The following ITGA3 variants were observed in gnomAD, a reference collection of about 807,000 sequenced individuals.
ITGA3 encodes the protein integrin alpha-3.
In ITGA3, 70 loss-of-function variants were observed where a neutral mutation model predicts 131.1. The observed-to-expected ratio is 0.53, with a 90% CI of 0.44 to 0.65. ITGA3 has a LOEUF of 0.65. Among genes scored for constraint, ITGA3 ranks in the 30% least tolerant of loss-of-function variants. The probability of loss-of-function intolerance (pLI) is 0.00; values close to 1 mark genes in which losing one functional copy is unlikely to be tolerated. For synonymous variants in ITGA3, 537 were observed against 571.6 expected, an observed-to-expected ratio of 0.94 and a Z score of 0.86; for missense variants, 1,098 against 1,388.6, an observed-to-expected ratio of 0.79 and a Z score of 3.33.
In ITGA3 at chr17:50,071,921, A is replaced by G. The variant is rs374392490; in HGVS notation, c.960-65A>G. The G allele has an allele frequency of 5.7e-5, 83 of 1,450,028 alleles. 1 individual carries two copies. In the East Asian group the frequency reaches 1.5e-3, roughly 26 times the overall value. 89.8% of individuals were successfully genotyped at this position (1,450,028 alleles called of 1,614,324 possible). A position where few individuals can be genotyped will look rare whatever the true frequency, so the allele number is the denominator to read the frequency against. On this transcript the variant is annotated intron_variant, in intron 6 of 25. Coordinates refer to ENST00000320031, the MANE Select transcript of ITGA3 (RefSeq NM_002204.4). ...TGCCCTGGCACAGTCACACCTGTCA[A>G]ACAAGAACTATGCTGCATATTGGAG...
At chr17:50,073,108 C>T (rs1256466508) in intron 7 of ITGA3, among the ~76,000 whole-genome samples, 4 of 152,222 alleles carry the variant, frequency 2.6e-5, no homozygotes, top group East Asian at 3.9e-4. Context: ...GCTCCCTTTA[C>T]AGGCCTTACT....
rs745894611 is a variant in ITGA3 at position 50,064,563 on chromosome 17, C to T, written c.370C>T (p.Leu124Phe). The T allele has an allele frequency of 6.2e-7, 1 of 1,613,092 alleles. No individual in the cohort carries two copies. The highest frequency in any genetic ancestry group is 8.5e-7 in the Non-Finnish European group (1 of 1,179,834). The stretch of plus-strand genomic sequence containing the variant: ...CCATCACATTATTGAGGACATGTGG[C>T]TTGGAGTGACTGTGGCCAGCCAGGG... ...PGHHIIEDMW[L>F]GVTVASQGPA... Residue 124 changes from leucine to phenylalanine, a missense_variant, in exon 3 of 26, where the codon CTT (leucine) becomes TTT (phenylalanine). Coordinates refer to ENST00000320031, the MANE Select transcript of ITGA3 (RefSeq NM_002204.4). This position sits in a 1 kb window ranked among gnomAD's most constrained non-coding sequence, Gnocchi z 4.4.
intron 23 of ITGA3, among the ~76,000 whole-genome samples, chr17:50,082,169 CATGTATTT>C (rs1355391380): frequency 6.6e-5 from 10 of 151,834 alleles, no homozygotes; most frequent in African/African-American, 2.4e-4. Flanking sequence ...TTTCTTTATT[CATGTATTT>C]ATGTATTTAT....
intron 4 of ITGA3, among the ~76,000 whole-genome samples, chr17:50,069,525 G>T (rs1908522771): frequency 6.6e-6 from 1 of 152,082 alleles, no homozygotes; most frequent in East Asian, 1.9e-4. Context: ...AATTAGCCAG[G>T]TGTGGTGGCA....
At chr17:50,071,185 C>G in intron 5 of ITGA3, 126 bp from the exon 6 acceptor site, 1 of 884,784 alleles carries the variant, frequency 1.1e-6, no homozygotes, top group Non-Finnish European at 1.7e-6. Context: ...TACTTTCTTG[C>G]CCTACTTGGA....
Position 50,056,516 on chromosome 17 carries a change from G to A in ITGA3, c.77G>A (p.Gly26Asp), listed in dbSNP as rs1368499306. Residue 26 changes from glycine to aspartate, a missense_variant, in exon 1 of 26, where the codon GGC becomes GAC. By Grantham distance (94) the Gly-to-Asp change is moderately conservative. Around this residue, in one of 3 missense-constraint regions of ITGA3, gnomAD observed 356 missense variants for 529.2 expected, o/e 0.67. Coordinates refer to ENST00000320031, the MANE Select transcript of ITGA3 (RefSeq NM_002204.4). This position sits in a 1 kb window ranked among gnomAD's most constrained non-coding sequence, Gnocchi z 5.6. ...LCALALMVAA[G>D]GCVVSAFNLD... ...GCGCTCGCCTTGATGGTGGCGGCCG[G>A]CGGCTGCGTCGTCTCCGCCTTCAAC... 6.4e-7 allele frequency: 1 copy of A among 1,550,996 alleles called. No individual in the cohort carries two copies. Among genetic ancestry groups the A allele is most frequent in the Non-Finnish European group, 8.7e-7 (1 of 1,147,608 alleles).
At chr17:50,066,839 A>AT (rs2144270110) in intron 3 of ITGA3, among the ~76,000 whole-genome samples, 1 of 152,260 alleles carries the variant, frequency 6.6e-6, no homozygotes, top group African/African-American at 2.4e-5. Flanking sequence ...ACTTCAATGA[A>AT]TTTTTACAAA....
rs1241674844 is a variant in ITGA3, at chr17:50,064,544, C to T, written c.351C>T (p.His117=). 2 of 1,612,826 alleles carry T rather than the reference C, an allele frequency of 1.2e-6. No homozygotes were observed. The highest frequency in any genetic ancestry group is 8.5e-7 in the Non-Finnish European group (1 of 1,179,738). ...TGCCCACAGATGACCCTGGCCATCACATTATTGAGGACATGTGGCTTGGAG... is the reference window on the plus strand; with the variant it reads ...TGCCCACAGATGACCCTGGCCATCATATTATTGAGGACATGTGGCTTGGAG... The part of the protein sequence containing the change: ...NITVKNDPGH[H]IIEDMWLGVT... The change falls in exon 3 of 26, where the codon CAC becomes CAT. Residue 117 remains histidine, a synonymous_variant. Coordinates refer to ENST00000320031, the MANE Select transcript of ITGA3 (RefSeq NM_002204.4). This position sits in a 1 kb window ranked among gnomAD's most constrained non-coding sequence, Gnocchi z 4.4.
chr17:50,087,636 A>T, intron 23 of ITGA3, 108 bp from the exon 24 acceptor site: 1 of 1,275,232 alleles, frequency 7.8e-7, no homozygotes, highest in Non-Finnish European at 1.1e-6. Context: ...GCTGCCCCCT[A>T]CTGGCAGCAG....
chr17:50,077,199 G>A (rs955687535), intron 15 of ITGA3, 78 bp downstream of exon 15: 1 of 1,443,118 alleles, frequency 6.9e-7, no homozygotes, highest in Non-Finnish European at 9.3e-7. Flanking sequence ...GTCCTGTGCA[G>A]GTGTTGTCGT....
chr17:50,089,552 A>G lies in ITGA3; in HGVS notation c.*474A>G. 1 of 404,412 alleles carries G rather than the reference A, an allele frequency of 2.5e-6. No individual in the cohort carries two copies. Among genetic ancestry groups the G allele is most frequent in the Non-Finnish European group, 4.6e-6 (1 of 218,980 alleles). 25.1% of individuals were successfully genotyped at this position (404,412 alleles called of 1,614,324 possible). ...TGTGCTGGTGCATCACGGATGGTGC[A>G]TGGGCTCGCCGTGTCTCAGCCTCTG... On this transcript the variant is annotated 3_prime_UTR_variant, in exon 26 of 26. Coordinates refer to ENST00000320031, the MANE Select transcript of ITGA3 (RefSeq NM_002204.4).
intron 23 of ITGA3, chr17:50,087,516 C>T (rs1909507325): frequency 2.1e-6 from 1 of 474,212 alleles, no homozygotes; most frequent in African/African-American, 1.9e-5. Flanking sequence ...TCCAGGCCAC[C>T]TCCCAGATCT....
chr17:50,061,386 G>T (rs548141982), intron 1 of ITGA3, among the ~76,000 whole-genome samples: 1 of 152,192 alleles, frequency 6.6e-6, no homozygotes, highest in East Asian at 1.9e-4. Context: ...GAGTTGAGGG[G>T]GCTGGGAGGG....
chr17:50,078,281 G>A lies in ITGA3; in HGVS notation c.2294G>A (p.Ser765Asn), dbSNP rs1405455294. 4 of 1,613,138 alleles carry A rather than the reference G, an allele frequency of 2.5e-6. No homozygotes were observed. The highest frequency in any genetic ancestry group is 2.2e-5 in the South Asian group (2 of 91,032). The change falls in exon 18 of 26, where the codon AGC (serine) becomes AAC (asparagine). Residue 765 changes from serine to asparagine, a missense_variant. Physicochemically the swap from Ser to Asn is conservative, Grantham distance 46 (BLOSUM62 1). Transcript: ENST00000320031. ...LVDYTLQTSLSMVNHRLQSFF... is the reference protein window; with the variant it reads ...LVDYTLQTSLNMVNHRLQSFF... ...GACTATACACTCCAGACCTCGCTTA[G>A]CATGTGGGTACCGCTCTCCACCACC...
intron 12 of ITGA3, among the ~76,000 whole-genome samples, 195 bp from the exon 13 acceptor site, chr17:50,076,131 C>G (rs1409348303): frequency 8.0e-5 from 12 of 150,738 alleles, no homozygotes; most frequent in Admixed American, 7.3e-4. Flanking sequence ...AGGAGAAGCC[C>G]TGTCTCTCCT....
At chr17:50,076,023 G>A (rs796798787) in intron 12 of ITGA3, among the ~76,000 whole-genome samples, 8 of 152,238 alleles carry the variant, frequency 5.3e-5, no homozygotes, top group African/African-American at 1.9e-4. Flanking sequence ...GGGTCCCTGA[G>A]TAGGGAGCAA....
At position 50,073,983 on chromosome 17, in the gene ITGA3, G is replaced by A. The variant is rs1347340766; in HGVS notation, c.1224G>A (p.Gly408=). The change falls in exon 8 of 26, where the codon GGG becomes GGA. Residue 408 remains glycine, a synonymous_variant. Transcript: ENST00000320031. The stretch of plus-strand genomic sequence containing the variant: ...ACATCTATCACAGTAGCTCTAAGGG[G>A]CTCCTTAGACAGCCCCAGCAGGTAC... ...KVYIYHSSSK[G]LLRQPQQVIH... is the part of the protein sequence containing the mutation. 8.1e-6 allele frequency: 13 copies of A among 1,613,668 alleles called. No individual in the cohort carries two copies. Among genetic ancestry groups the A allele is most frequent in the South Asian group, 1.1e-5 (1 of 91,076 alleles).
Position 50,073,919 on chromosome 17 carries a change from T to C in ITGA3, c.1160T>C (p.Ile387Thr), listed in dbSNP as rs1598188619. The change falls in exon 8 of 26, where the codon ATT (isoleucine) becomes ACT (threonine). Residue 387 changes from isoleucine to threonine, a missense_variant. Transcript: ENST00000320031. ...TGTCTTGCCTTTTCTTCTGCAGATA[T>C]TGCTGTGGGAGCTCCGTTTGAAGGC... The part of the protein sequence containing the change: ...GDINQDGFQD[I>T]AVGAPFEGLG... The C allele has an allele frequency of 6.2e-7, 1 of 1,613,924 alleles. No individual in the cohort carries two copies. The highest frequency in any genetic ancestry group is 2.2e-5 in the East Asian group (1 of 44,880).
At chr17:50,070,953 A>G in intron 5 of ITGA3, 23 bp downstream of exon 5, 1 of 1,444,234 alleles carries the variant, frequency 6.9e-7, no homozygotes, top group Admixed American at 1.7e-5. Context: ...GTGGTAGCCC[A>G]TCAAGTGGTA....
Sources: gnomAD v4.1 joint callset for allele counts (sites outside exome capture counted in the v4.1 genomes callset) on GRCh38, gnomAD v4.1.1 for gene constraint, gnomAD v4.1.1 regional missense constraint, Gnocchi (gnomAD v3.1) non-coding constraint, MANE v1.5 for transcripts, NCBI Gene and HGNC (gene_info 2026-07-23, HGNC 2026-07-21) for gene names.